Variants in TOPBP1 observed in about 807,000 individuals in gnomAD.
TOPBP1 encodes DNA topoisomerase II binding protein 1.
In TOPBP1, 28 loss-of-function variants were observed where a neutral mutation model predicts 167.7. The observed-to-expected ratio is 0.17, with a 90% CI of 0.12 to 0.23. TOPBP1 has a LOEUF of 0.23. TOPBP1 is among the 10% of genes least tolerant of loss of function. TOPBP1 has a pLI of 1.00. For missense variants in TOPBP1, 1,554 were observed against 1,809.6 expected, an observed-to-expected ratio of 0.86 and a Z score of 2.56; for synonymous variants, 598 against 611.4, an observed-to-expected ratio of 0.98 and a Z score of 0.32.
Position 133,644,336 on chromosome 3 carries a change from G to A in TOPBP1, c.1532C>T (p.Pro511Leu), listed in dbSNP as rs1190795477. 1.9e-6 allele frequency: 3 copies of A among 1,588,356 alleles called. No homozygotes were observed. The African/African-American group carries it at 4.1e-5, about 22-fold the overall frequency. Residue 511 changes from proline to leucine, a missense_variant, in exon 11 of 28, where the codon CCC (proline) becomes CTC (leucine). By Grantham distance (98) the Pro-to-Leu change is moderately conservative. This residue lies in a region of TOPBP1 where 1,197 missense variants were observed against 1,351.5 expected (regional missense o/e 0.89). Transcript: ENST00000260810. ...CTCAGCATGAGTAGAATCATTAAAG[G>A]GCCTGGCTTCAGACGTCTTAGCCTC... ...VVEAKTSEAR[P>L]FNDSTHAEPL...
chr3:133,605,131 G>A (rs1934445963), intron 27 of TOPBP1, among the ~76,000 whole-genome samples: 1 of 151,318 alleles, frequency 6.6e-6, no homozygotes, highest in Non-Finnish European at 1.5e-5. Flanking sequence ...CACAGGAAGT[G>A]GAGATTGCAG....
At chr3:133,649,176 A>G (rs1421358276) in intron 10 of TOPBP1, among the ~76,000 whole-genome samples, 1 of 152,232 alleles carries the variant, frequency 6.6e-6, no homozygotes, top group Non-Finnish European at 1.5e-5. Context: ...AAATAGAGCT[A>G]GTTAGCTGGA....
intron 10 of TOPBP1, among the ~76,000 whole-genome samples, chr3:133,646,554 G>A (rs1198885884): frequency 2.0e-5 from 3 of 151,978 alleles, no homozygotes; most frequent in African/African-American, 7.3e-5. Flanking sequence ...AGGAGGCTGA[G>A]GGAAGAGAAT....
intron 27 of TOPBP1, among the ~76,000 whole-genome samples, chr3:133,608,247 A>G (rs774169299): frequency 6.6e-6 from 1 of 152,158 alleles, no homozygotes; most frequent in Non-Finnish European, 1.5e-5. Flanking sequence ...CCTGGAATCG[A>G]TTTCTGCTTT....
Position 133,657,937 on chromosome 3 carries a change from C to A in TOPBP1, c.224G>T (p.Gly75Val). ...GVVFDHLKKL[G>V]CRIVGPQVVI... ...TACTTGAGGACCAACAATTCTGCAG[C>A]CAAGCTACAAAAAAGAGAAAAGTTT... Residue 75 changes from glycine (G) to valine (V), a missense_variant, in exon 4 of 28, where the codon GGC becomes GTC. Coordinates refer to ENST00000260810, the MANE Select transcript of TOPBP1 (RefSeq NM_007027.4). 1 of 1,546,770 alleles carries A rather than the reference C, an allele frequency of 6.5e-7. No homozygotes were observed. The highest frequency in any genetic ancestry group is 1.2e-5 in the South Asian group (1 of 80,476).
chr3:133,607,002 G>A (rs574475745), intron 27 of TOPBP1, among the ~76,000 whole-genome samples: 16 of 152,000 alleles, frequency 1.1e-4, no homozygotes, highest in Non-Finnish European at 1.6e-4. Flanking sequence ...TAGTCATCAG[G>A]GAAATACAAA....
intron 1 of TOPBP1, 24 bp from the exon 2 acceptor site, chr3:133,661,158 A>T (rs761566887): frequency 1.3e-6 from 2 of 1,526,856 alleles, no homozygotes; most frequent in Non-Finnish European, 8.8e-7. Context: ...GGAACCATTA[A>T]CAAGAACAAA....
At position 133,610,789 on chromosome 3, in the gene TOPBP1, C is replaced by A. The variant is rs533866455; in HGVS notation, c.4173+215G>T. On this transcript the variant is annotated intron_variant, in intron 25 of 27. Transcript: ENST00000260810. ...AGGTCTGTGGACTCAGGTCAAGAAC[C>A]CCTGACATTAGATGCTGAAAAGATT... Among the ~76,000 whole-genome samples, 12 of 152,162 alleles carry A rather than the reference C, an allele frequency of 7.9e-5. No homozygotes were observed. In the South Asian group the frequency reaches 2.3e-3, roughly 29 times the overall value.
intron 12 of TOPBP1, 50 bp downstream of exon 12, chr3:133,643,147 AAAT>A: frequency 6.9e-7 from 1 of 1,443,982 alleles, no homozygotes; most frequent in Non-Finnish European, 9.1e-7. Context: ...CAAGAAGTCA[AAAT>A]AAATAAAAAG....
rs755300366 is a variant in TOPBP1 at position 133,608,841 on chromosome 3, T to C, written c.4263+32A>G. Reference sequence around the variant, plus strand: ...AATCTTGGTTAGATGATTATTCATGTAAAAAGGTCAGTAAATTAATTTGAT... The same window carrying C: ...AATCTTGGTTAGATGATTATTCATGCAAAAAGGTCAGTAAATTAATTTGAT... On this transcript the variant is annotated intron_variant, in intron 26 of 27. Coordinates refer to ENST00000260810, the MANE Select transcript of TOPBP1 (RefSeq NM_007027.4). The C allele has an allele frequency of 2.5e-6, 4 of 1,588,568 alleles. No homozygotes were observed. The East Asian group carries it at 8.9e-5, about 35-fold the overall frequency.
At chr3:133,648,490 C>G (rs1042346177) in intron 10 of TOPBP1, among the ~76,000 whole-genome samples, 17 of 152,124 alleles carry the variant, frequency 1.1e-4, no homozygotes, top group African/African-American at 3.6e-4. Context: ...GGGAGCAGGG[C>G]TAGTTGTGAT....
intron 23 of TOPBP1, among the ~76,000 whole-genome samples, chr3:133,613,703 G>C (rs1221543469): frequency 6.6e-6 from 1 of 151,880 alleles, no homozygotes; most frequent in Non-Finnish European, 1.5e-5. Context: ...GTAAACATAA[G>C]CTTATGTAAA....
chr3:133,655,444 C>G lies in TOPBP1; in HGVS notation c.588G>C (p.Lys196Asn). 1.3e-6 allele frequency: 2 copies of G among 1,593,368 alleles called. No individual in the cohort carries two copies. Among genetic ancestry groups the G allele is most frequent in the Non-Finnish European group, 1.7e-6 (2 of 1,170,704 alleles). Residue 196 changes from lysine (K) to asparagine (N), a missense_variant, in exon 6 of 28, where the codon AAG (lysine) becomes AAC (asparagine). Transcript: ENST00000260810. ...RYTDINMEDF[K>N]CPIFLGCIIC... ...TTATGCAACCAAGAAAAATAGGACA[C>G]TTGAAATCTTCCATGTTTATATCAG...
intron 22 of TOPBP1, 100 bp downstream of exon 22, chr3:133,617,060 T>C: frequency 6.9e-7 from 1 of 1,443,038 alleles, no homozygotes; most frequent in Non-Finnish European, 9.3e-7. Context: ...AAAATAGTTT[T>C]CAACATTTGA....
In TOPBP1 at chr3:133,653,532, GTTCA is replaced by G. The variant is rs778777499; in HGVS notation, c.743-12_743-9del. The G allele has an allele frequency of 4.6e-6, 7 of 1,521,404 alleles. No homozygotes were observed. Among genetic ancestry groups the G allele is most frequent in the Non-Finnish European group, 6.1e-6 (7 of 1,139,524 alleles). 94.2% of individuals were successfully genotyped at this position (1,521,404 alleles called of 1,614,324 possible). On this transcript the variant is annotated splice_polypyrimidine_tract_variant and intron_variant, in intron 6 of 27. Coordinates refer to ENST00000260810, the MANE Select transcript of TOPBP1 (RefSeq NM_007027.4). ...CACACTCATACTTCTGACCTGTGGC[GTTCA>G]TTAAGAAAGAAATAGAGAAAATAGG...
chr3:133,608,659 G>A lies in TOPBP1; in HGVS notation c.4301C>T (p.Ala1434Val). Reference sequence around the variant, plus strand: ...ATTCAAGTCAGAAAAAAGATGTGTGGCCTCTTTAAATAAAGGTACAGAATG... The same window carrying A: ...ATTCAAGTCAGAAAAAAGATGTGTGACCTCTTTAAATAAAGGTACAGAATG... ...PGHSVPLFKEATHLFSDLNKL... is the reference protein window; with the variant it reads ...PGHSVPLFKEVTHLFSDLNKL... Residue 1434 changes from alanine (A) to valine (V), a missense_variant, in exon 27 of 28, where the codon GCC becomes GTC. This residue lies in a region of TOPBP1 where 351 missense variants were observed against 432.9 expected (regional missense o/e 0.81). Transcript: ENST00000260810. 2 of 1,613,536 alleles carry A rather than the reference G, an allele frequency of 1.2e-6. No individual in the cohort carries two copies. The highest frequency in any genetic ancestry group is 1.7e-6 in the Non-Finnish European group (2 of 1,179,772).
intron 10 of TOPBP1, among the ~76,000 whole-genome samples, 161 bp downstream of exon 10, chr3:133,649,220 CTT>C (rs1936194055): frequency 6.6e-6 from 1 of 152,130 alleles, no homozygotes; most frequent in Admixed American, 6.5e-5. Context: ...TCAGGACCCT[CTT>C]GTCTTGCCTG....
At chr3:133,617,071 T>C in intron 22 of TOPBP1, 89 bp downstream of exon 22, 2 of 1,469,342 alleles carry the variant, frequency 1.4e-6, no homozygotes, top group Non-Finnish European at 1.8e-6. Flanking sequence ...CAACATTTGA[T>C]GAAGCCTTGA....
At chr3:133,629,378 T>C (rs1240672868) in intron 14 of TOPBP1, among the ~76,000 whole-genome samples, 4 of 152,176 alleles carry the variant, frequency 2.6e-5, no homozygotes, top group Non-Finnish European at 4.4e-5. Context: ...ATGAATAACC[T>C]TGTACACAAA....
Sources: allele counts gnomAD v4.1 joint callset (sites outside exome capture counted in the v4.1 genomes callset), GRCh38; gene constraint gnomAD v4.1.1; regional missense constraint gnomAD v4.1.1; transcripts MANE v1.5; gene names NCBI Gene and HGNC (gene_info 2026-07-23, HGNC 2026-07-21).